Variants in UMODL1 observed in about 807,000 individuals in gnomAD.
UMODL1 encodes uromodulin-like 1.
A neutral mutation model predicts 136.3 loss-of-function variants in UMODL1; 128 were observed. The ratio of observed to expected loss-of-function variants is 0.94; its 90% CI spans 0.81 to 1.09. UMODL1 has a LOEUF of 1.09. Among genes scored for constraint, UMODL1 ranks in the 50% least tolerant of loss-of-function variants. The pLI is 0.00. For synonymous variants in UMODL1, 721 were observed against 720.0 expected (o/e 1.00, Z -0.02); for missense variants, 1,766 against 1,725.6 (o/e 1.02, Z -0.41).
In UMODL1 at chr21:42,102,232, G is replaced by A. The variant is rs1164272674; in HGVS notation, c.1253G>A (p.Arg418His). ...NHNLTEKLLN[R>H]SSVEYQDFSR... Reference sequence around the variant, plus strand: ...AACCTGACGGAGAAGTTACTCAACCGCAGCAGTGTGGAGTACCAGGACTTT... The same window carrying A: ...AACCTGACGGAGAAGTTACTCAACCACAGCAGTGTGGAGTACCAGGACTTT... The change falls in exon 8 of 23, where the codon CGC (arginine) becomes CAC (histidine). Residue 418 changes from arginine to histidine, a missense_variant. Coordinates refer to ENST00000408910, the MANE Select transcript of UMODL1 (RefSeq NM_001004416.3). 6.2e-6 allele frequency: 10 copies of A among 1,613,560 alleles called. No individual in the cohort carries two copies. Among genetic ancestry groups the A allele is most frequent in the South Asian group, 4.4e-5 (4 of 91,032 alleles).
intron 1 of UMODL1, among the ~76,000 whole-genome samples, chr21:42,072,522 G>A (rs1019747889): frequency 6.6e-6 from 1 of 152,182 alleles, no homozygotes; most frequent in South Asian, 2.1e-4. Flanking sequence ...GTCTTAGGAG[G>A]TGTTTCCAGA....
In UMODL1 at chr21:42,111,545, TC is replaced by T; in HGVS notation, c.1943del (p.Pro648LeufsTer22). The T allele has an allele frequency of 6.2e-7, 1 of 1,614,052 alleles. No individual in the cohort carries two copies. The highest frequency in any genetic ancestry group is 2.2e-5 in the East Asian group (1 of 44,868). On this transcript the variant is annotated frameshift_variant, in exon 12 of 23. Coordinates refer to ENST00000408910, the MANE Select transcript of UMODL1 (RefSeq NM_001004416.3). LOFTEE classifies it high-confidence loss of function. ...NSIMEPPSWPSPTEDPTGHFL... is the reference protein window; with the variant it reads ...NSIMEPPSWPXPTEDPTGHFL... Reference sequence around the variant, plus strand: ...CATCATGGAGCCACCCTCCTGGCCTTCCCCTACTGAGGACCCCACCGGCCAC... The same window carrying T: ...CATCATGGAGCCACCCTCCTGGCCTTCCCTACTGAGGACCCCACCGGCCAC...
At chr21:42,112,407 T>G (rs1030007801) in intron 12 of UMODL1, among the ~76,000 whole-genome samples, 1 of 146,014 alleles carries the variant, frequency 6.8e-6, no homozygotes, top group Non-Finnish European at 1.5e-5. Flanking sequence ...ATCTCCCCAG[T>G]TCTTCTGCAC....
intron 17 of UMODL1, among the ~76,000 whole-genome samples, chr21:42,124,927 G>T (rs2067032001): frequency 6.6e-6 from 1 of 152,190 alleles, no homozygotes; most frequent in Non-Finnish European, 1.5e-5. Flanking sequence ...CTGCGGCTGA[G>T]CCCTGGGTGC....
Position 42,127,732 on chromosome 21 carries a change from G to C in UMODL1, c.3591G>C (p.Gln1197His), listed in dbSNP as rs372503021. The C allele has an allele frequency of 5.6e-6, 9 of 1,614,086 alleles. No homozygotes were observed. In the African/African-American group the frequency reaches 9.3e-5, roughly 17 times the overall value. ...VIENGNSNKA[Q>H]FKLRIFSFIN... ...AGAACGGCAACTCCAATAAGGCCCA[G>C]TTCAAGCTGAGGATCTTTTCCTTTA... The change falls in exon 20 of 23, where the codon CAG becomes CAC. Residue 1197 changes from glutamine to histidine, a missense_variant. Gln to His is a conservative substitution (Grantham distance 24, BLOSUM62 0). Coordinates refer to ENST00000408910, the MANE Select transcript of UMODL1 (RefSeq NM_001004416.3).
At chr21:42,080,469 C>T (rs1415946663) in intron 2 of UMODL1, among the ~76,000 whole-genome samples, 1 of 152,188 alleles carries the variant, frequency 6.6e-6, no homozygotes, top group Non-Finnish European at 1.5e-5. Flanking sequence ...GACATGTTTC[C>T]TCCTTTCTCC....
Position 42,134,949 on chromosome 21 carries a change from G to A in UMODL1, c.3776-2490G>A, listed in dbSNP as rs146867493. Among the ~76,000 whole-genome samples the A allele has an allele frequency of 5.7e-3, 875 of 152,220 alleles. 5 individuals carry two copies. The highest frequency in any genetic ancestry group is 9.1e-3 in the Non-Finnish European group (622 of 68,018). Reference sequence around the variant, plus strand: ...ATTTTTTATTTTACTTTAAGTTCTGGGATACATGTGCAGAACGTGCAGGTT... The same window carrying A: ...ATTTTTTATTTTACTTTAAGTTCTGAGATACATGTGCAGAACGTGCAGGTT... On this transcript the variant is annotated intron_variant, in intron 21 of 22. Transcript: ENST00000408910.
chr21:42,110,178 C>CT lies in UMODL1; in HGVS notation c.1657+483dup, dbSNP rs201398307. ...TAGTCCTGCTGTATCGGCCCCCAGT[C>CT]TTTTCTGTGGACCAGTTCTGATGAG... On this transcript the variant is annotated intron_variant, in intron 10 of 22. Transcript: ENST00000408910. Among the ~76,000 whole-genome samples, 815 of 152,342 alleles carry CT rather than the reference C, an allele frequency of 5.3e-3. 11 individuals are homozygous for CT. The highest frequency in any genetic ancestry group is 0.016 in the African/African-American group (679 of 41,574).
intron 1 of UMODL1, among the ~76,000 whole-genome samples, chr21:42,064,490 G>A (rs1016983042): frequency 6.6e-6 from 1 of 152,184 alleles, no homozygotes; most frequent in Non-Finnish European, 1.5e-5. Flanking sequence ...AGGTGGTGGT[G>A]GACTTGTCAG....
chr21:42,080,528 C>A (rs1050954981), intron 2 of UMODL1, among the ~76,000 whole-genome samples: 1 of 152,256 alleles, frequency 6.6e-6, no homozygotes, highest in Non-Finnish European at 1.5e-5. Context: ...AGCATGGACA[C>A]ACACGTGATA....
intron 4 of UMODL1, chr21:42,086,500 G>A (rs752218994): frequency 2.4e-5 from 11 of 455,378 alleles, no homozygotes; most frequent in Admixed American, 9.4e-5. Flanking sequence ...TTAACAGCCC[G>A]GGCTAGGAGT....
chr21:42,128,532 C>T (rs763789724), intron 20 of UMODL1, among the ~76,000 whole-genome samples: 7 of 149,408 alleles, frequency 4.7e-5, no homozygotes, highest in Non-Finnish European at 8.9e-5. Context: ...AAGCTCTGAG[C>T]GTCTGCAGGA....
At chr21:42,120,928 A>C (rs1033861200) in intron 15 of UMODL1, 159 bp from the exon 16 acceptor site, 11 of 842,702 alleles carry the variant, frequency 1.3e-5, no homozygotes, top group Non-Finnish European at 2.0e-5. Context: ...AGCTTCAGGA[A>C]GCCTCCTGTA....
At chr21:42,139,252 C>T (rs934802085) in intron 22 of UMODL1, among the ~76,000 whole-genome samples, 1 of 152,184 alleles carries the variant, frequency 6.6e-6, no homozygotes, top group African/African-American at 2.4e-5. Flanking sequence ...GTAAGGGAAG[C>T]ATGCGGCTTC....
Position 42,111,711 on chromosome 21 carries a change from G to T in UMODL1, c.2104+1G>T. 1 of 1,608,394 alleles carries T rather than the reference G, an allele frequency of 6.2e-7. No individual in the cohort carries two copies. The highest frequency in any genetic ancestry group is 8.5e-7 in the Non-Finnish European group (1 of 1,176,918). ...ACAGCTCTGAAGACCCCCGCCTGTG[G>T]TGAGTTCCTCGAATGGTGCATGGGG... On this transcript the variant is annotated splice_donor_variant, in intron 12 of 22. Transcript: ENST00000408910. LOFTEE classifies it high-confidence loss of function.
intron 4 of UMODL1, 80 bp from the exon 5 acceptor site, chr21:42,088,214 C>T: frequency 6.7e-7 from 1 of 1,484,916 alleles, no homozygotes; most frequent in Non-Finnish European, 9.2e-7. Flanking sequence ...CAGTTCATTT[C>T]AGCTCTGCGG....
Position 42,102,254 on chromosome 21 carries a change from C to T in UMODL1, c.1275C>T (p.Asp425=). Residue 425 remains aspartate (D), a synonymous_variant, in exon 8 of 23, where the codon GAC becomes GAT. Transcript: ENST00000408910. ...LLNRSSVEYQ[D]FSRQLLHEVE... The stretch of plus-strand genomic sequence containing the variant: ...ACCGCAGCAGTGTGGAGTACCAGGA[C>T]TTTTCTAGACAACTGCTTCACGAGG... 6.2e-7 allele frequency: 1 copy of T among 1,612,864 alleles called. No individual in the cohort carries two copies. The highest frequency in any genetic ancestry group is 8.5e-7 in the Non-Finnish European group (1 of 1,179,226).
Position 42,129,708 on chromosome 21 carries a change from A to C in UMODL1, c.3691-5A>C, listed in dbSNP as rs778325048. 2 of 1,574,054 alleles carry C rather than the reference A, an allele frequency of 1.3e-6. No individual in the cohort carries two copies. The highest frequency in any genetic ancestry group is 1.2e-5 in the South Asian group (1 of 82,864). ...ACGTTTCTCTTCTTGGAAAAAAAAA[A>C]ACAGAATTGCAATAACTTTCGGTTG... On this transcript the variant is annotated splice_region_variant and splice_polypyrimidine_tract_variant and intron_variant, in intron 20 of 22. Coordinates refer to ENST00000408910, the MANE Select transcript of UMODL1 (RefSeq NM_001004416.3).
At chr21:42,079,513 A>G (rs909213203) in intron 2 of UMODL1, among the ~76,000 whole-genome samples, 2 of 152,194 alleles carry the variant, frequency 1.3e-5, no homozygotes, top group African/African-American at 4.8e-5. Context: ...GGTGGACTCA[A>G]CCTGTGGGCC....
Sources: gnomAD v4.1 joint callset for allele counts (sites outside exome capture counted in the v4.1 genomes callset) on GRCh38, gnomAD v4.1.1 for gene constraint, MANE v1.5 for transcripts, NCBI Gene and HGNC (gene_info 2026-07-23, HGNC 2026-07-21) for gene names.